ACOXL: variants seen among roughly 807,000 people sequenced by gnomAD.
ACOXL encodes acyl-CoA oxidase like.
ACOXL carries 70 observed loss-of-function variants against 71.9 expected under a neutral mutation model. That is an observed-to-expected ratio of 0.97 (90% CI 0.80 to 1.19). The LOEUF (loss-of-function observed/expected upper bound fraction) is 1.19. Among genes scored for constraint, ACOXL ranks in the 50% most tolerant of loss-of-function variants. ACOXL has a pLI of 0.00. For synonymous variants in ACOXL, 253 were observed against 281.6 expected (o/e 0.90, Z 1.02); for missense variants, 703 against 736.3 (o/e 0.95, Z 0.52).
At chr2:111,072,376 CATG>C (rs1193654966) in intron 16 of ACOXL, among the ~76,000 whole-genome samples, 3 of 152,194 alleles carry the variant, frequency 2.0e-5, no homozygotes. Context: ...ATTCACTCCG[CATG>C]ATGTCTTTGA....
intron 15 of ACOXL, among the ~76,000 whole-genome samples, chr2:111,035,002 G>A (rs1218384719): frequency 6.6e-6 from 1 of 151,690 alleles, no homozygotes; most frequent in Non-Finnish European, 1.5e-5. Context: ...ACTACTCTGG[G>A]GACTACAGGT....
intron 16 of ACOXL, among the ~76,000 whole-genome samples, chr2:111,084,456 A>G (rs1252537020): frequency 6.6e-6 from 1 of 152,206 alleles, no homozygotes; most frequent in African/African-American, 2.4e-5. Context: ...GCTATATTCA[A>G]GATGTGAAGA....
intron 13 of ACOXL, among the ~76,000 whole-genome samples, chr2:110,991,758 C>T (rs895815414): frequency 2.6e-5 from 4 of 152,072 alleles, no homozygotes; most frequent in African/African-American, 4.8e-5. Flanking sequence ...CTTGAAAACA[C>T]GAGCTCCTAC....
chr2:111,033,548 C>T (rs1157814444), intron 15 of ACOXL, among the ~76,000 whole-genome samples: 1 of 152,196 alleles, frequency 6.6e-6, no homozygotes, highest in Non-Finnish European at 1.5e-5. Flanking sequence ...TGACCTGCTC[C>T]AGACCCTAGA....
intron 17 of ACOXL, among the ~76,000 whole-genome samples, chr2:111,108,623 C>T (rs1435239335): frequency 3.3e-5 from 5 of 152,174 alleles, no homozygotes. Flanking sequence ...TGATACCGCC[C>T]GCCTTGGCCT....
rs573477045 is a variant in ACOXL, at chr2:111,118,500, T to C, written c.*684T>C. Among the ~76,000 whole-genome samples the C allele has an allele frequency of 1.9e-3, 283 of 152,128 alleles. 2 individuals carry two copies. Among genetic ancestry groups the C allele is most frequent in the Admixed American group, 5.2e-3 (79 of 15,296 alleles). On this transcript the variant is annotated 3_prime_UTR_variant, in exon 18 of 18. Transcript: ENST00000439055. ...CCATCTGACGCTGTAGTCTGTCCTT[T>C]AGAAGAGAATAGGTGAAAAGTTTAA...
chr2:110,965,041 T>A (rs2061867215), intron 12 of ACOXL, among the ~76,000 whole-genome samples: 1 of 152,216 alleles, frequency 6.6e-6, no homozygotes, highest in Non-Finnish European at 1.5e-5. Context: ...TGAGATCAAC[T>A]TTTTTAGCTC....
chr2:110,766,851 A>G (rs912202721), intron 1 of ACOXL, among the ~76,000 whole-genome samples: 1 of 152,086 alleles, frequency 6.6e-6, no homozygotes, highest in Non-Finnish European at 1.5e-5. Context: ...TGGGCAGGAG[A>G]TAGAAGATCA....
At chr2:110,869,038 A>G (rs1479351815) in intron 10 of ACOXL, among the ~76,000 whole-genome samples, 1 of 152,040 alleles carries the variant, frequency 6.6e-6, no homozygotes, top group Non-Finnish European at 1.5e-5. Context: ...TCCAGATGCT[A>G]CTCTGAGCAC....
chr2:110,767,992 C>T (rs1421995421), intron 1 of ACOXL, among the ~76,000 whole-genome samples: 1 of 149,300 alleles, frequency 6.7e-6, no homozygotes, highest in Admixed American at 6.7e-5. Flanking sequence ...ATTAGCTGGG[C>T]ATGGTGGTGG....
At chr2:111,076,886 T>A (rs1329716514) in intron 16 of ACOXL, among the ~76,000 whole-genome samples, 2 of 152,214 alleles carry the variant, frequency 1.3e-5, no homozygotes, top group Non-Finnish European at 2.9e-5. Context: ...ATTCCTTGAC[T>A]GTGGCCAACT....
intron 17 of ACOXL, among the ~76,000 whole-genome samples, chr2:111,104,139 G>A (rs1443321970): frequency 1.3e-5 from 2 of 152,130 alleles, no homozygotes; most frequent in African/African-American, 4.8e-5. Context: ...ATTCATCCAG[G>A]TGGTCGCACA....
intron 16 of ACOXL, among the ~76,000 whole-genome samples, chr2:111,069,366 G>A: frequency 6.6e-6 from 1 of 151,996 alleles, no homozygotes; most frequent in Non-Finnish European, 1.5e-5. Context: ...TGGCCAGGCT[G>A]GTCTTGAACT....
intron 11 of ACOXL, among the ~76,000 whole-genome samples, chr2:110,911,948 T>C (rs1358883868): frequency 1.3e-5 from 2 of 152,078 alleles, no homozygotes; most frequent in Non-Finnish European, 2.9e-5. Context: ...TGTGCCTTCA[T>C]ATATAGAAAA....
chr2:110,798,502 C>T, intron 5 of ACOXL, 108 bp from the exon 6 acceptor site: 1 of 812,640 alleles, frequency 1.2e-6, no homozygotes, highest in Non-Finnish European at 2.1e-6. Context: ...GTGATCCACC[C>T]ACCTCGGCCC....
At chr2:110,810,328 A>G (rs539144594) in intron 9 of ACOXL, among the ~76,000 whole-genome samples, 5 of 152,258 alleles carry the variant, frequency 3.3e-5, no homozygotes, top group Admixed American at 6.5e-5. Context: ...TACTAACACA[A>G]TCTTTAATGG....
chr2:111,001,548 C>G (rs982210563), intron 14 of ACOXL, among the ~76,000 whole-genome samples: 15 of 152,122 alleles, frequency 9.9e-5, no homozygotes, highest in African/African-American at 3.6e-4. Flanking sequence ...AGGACTGTGC[C>G]CTTATTAAGG....
chr2:110,986,632 C>A lies in ACOXL; in HGVS notation c.1060-476C>A, dbSNP rs549419861. Among the ~76,000 whole-genome samples the A allele has an allele frequency of 5.3e-5, 8 of 152,214 alleles. No homozygotes were observed. The South Asian group carries it at 1.7e-3, about 32-fold the overall frequency. On this transcript the variant is annotated intron_variant, in intron 12 of 17. Coordinates refer to ENST00000439055, the MANE Select transcript of ACOXL (RefSeq NM_001142807.4). ...ACAGAAGAGCATGCAGTATTTTAGG[C>A]CCAAATTATAACTTTAAAGCTGCTG...
At chr2:110,839,023 G>T (rs1690809512) in intron 9 of ACOXL, among the ~76,000 whole-genome samples, 1 of 152,146 alleles carries the variant, frequency 6.6e-6, no homozygotes. Context: ...ATTTTATTCA[G>T]AAGCCAGGAA....
Sources: allele counts gnomAD v4.1 joint callset (sites outside exome capture counted in the v4.1 genomes callset), GRCh38; gene constraint gnomAD v4.1.1; transcripts MANE v1.5; gene names NCBI Gene and HGNC (gene_info 2026-07-23, HGNC 2026-07-21).